Variants in PHKB observed in about 807,000 individuals in gnomAD.
The protein encoded by PHKB is phosphorylase b kinase regulatory subunit beta.
In PHKB, 122 loss-of-function variants were observed where a neutral mutation model predicts 152.1. The ratio of observed to expected loss-of-function variants is 0.80; its 90% CI spans 0.69 to 0.93. PHKB has a LOEUF of 0.93. Ranked by LOEUF, PHKB falls within the 40% of genes least tolerant of loss-of-function variation. The pLI, the probability that PHKB is intolerant of heterozygous loss-of-function variation, is 0.00. For missense variants in PHKB, 1,304 were observed against 1,328.4 expected, an observed-to-expected ratio of 0.98 and a Z score of 0.29; for synonymous variants, 436 against 464.9, an observed-to-expected ratio of 0.94 and a Z score of 0.80.
intron 6 of PHKB, among the ~76,000 whole-genome samples, chr16:47,521,615 A>G (rs899326126): frequency 2.0e-5 from 3 of 151,946 alleles, no homozygotes; most frequent in East Asian, 3.9e-4. Flanking sequence ...AGATTGTGCC[A>G]TTGCCCTCCA....
At chr16:47,640,406 A>G (rs888707014) in intron 14 of PHKB, among the ~76,000 whole-genome samples, 8 of 152,214 alleles carry the variant, frequency 5.3e-5, no homozygotes, top group African/African-American at 1.9e-4. Context: ...GCGAATCTTT[A>G]TCACACAAAA....
chr16:47,566,517 G>T, intron 7 of PHKB: 1 of 1,604,768 alleles, frequency 6.2e-7, no homozygotes, highest in Non-Finnish European at 8.5e-7. Flanking sequence ...GGGTTCACGT[G>T]GTAAAAGCAC....
chr16:47,630,528 G>A (rs1972808753), intron 14 of PHKB, among the ~76,000 whole-genome samples: 1 of 152,024 alleles, frequency 6.6e-6, no homozygotes, highest in Admixed American at 6.5e-5. Context: ...TGTAAACAAT[G>A]CTTGGAATTG....
At position 47,499,757 on chromosome 16, in the gene PHKB, CAA is replaced by C. The variant is rs778023278; in HGVS notation, c.169_170del (p.Lys57ValfsTer17). 1.2e-6 allele frequency: 2 copies of C among 1,614,106 alleles called. No homozygotes were observed. Among genetic ancestry groups the C allele is most frequent in the Admixed American group, 1.7e-5 (1 of 60,022 alleles). On this transcript the variant is annotated frameshift_variant and splice_region_variant, in exon 3 of 31. Coordinates refer to ENST00000323584, the MANE Select transcript of PHKB (RefSeq NM_000293.3). LOFTEE classifies it high-confidence loss of function. ...DKLDHYYRIV[K>X]STLLLYQSPT... The stretch of plus-strand genomic sequence containing the variant: ...TCTTTGTCTTGTCCTCAATTGCAGT[CAA>C]GTCAACATTGCTGCTGTATCAAAGT...
rs1802917744 is a variant in PHKB at position 47,536,854 on chromosome 16, T to A, written c.595-10579T>A. 2.6e-5 allele frequency among the ~76,000 whole-genome samples: 4 copies of A among 152,308 alleles called. No homozygotes were observed. The South Asian group carries it at 8.3e-4, about 32-fold the overall frequency. Reference sequence around the variant, plus strand: ...AAAAATTAAGAGCCGTGGTCTTGGCTCTAAGTATAGTGAGAGTTAGGAGAA... The same window carrying A: ...AAAAATTAAGAGCCGTGGTCTTGGCACTAAGTATAGTGAGAGTTAGGAGAA... On this transcript the variant is annotated intron_variant, in intron 6 of 30. Transcript: ENST00000323584.
intron 6 of PHKB, among the ~76,000 whole-genome samples, chr16:47,534,191 C>G (rs1384126143): frequency 1.3e-5 from 2 of 152,196 alleles, no homozygotes; most frequent in African/African-American, 4.8e-5. Flanking sequence ...AGCAGCCACT[C>G]CAGATGGCCC....
At chr16:47,624,617 G>T (rs1436889444) in intron 14 of PHKB, among the ~76,000 whole-genome samples, 1 of 152,010 alleles carries the variant, frequency 6.6e-6, no homozygotes, top group Non-Finnish European at 1.5e-5. Context: ...TCTACCTTTG[G>T]CTGTTCCAAT....
At chr16:47,572,665 G>T (rs1028109937) in intron 7 of PHKB, among the ~76,000 whole-genome samples, 5 of 152,162 alleles carry the variant, frequency 3.3e-5, no homozygotes, top group African/African-American at 1.2e-4. Context: ...CAACTCTGAT[G>T]GTGGCAGTAG....
intron 7 of PHKB, among the ~76,000 whole-genome samples, chr16:47,558,207 G>A (rs1027906630): frequency 7.0e-6 from 1 of 142,032 alleles, no homozygotes; most frequent in Non-Finnish European, 1.5e-5. Context: ...ACACAGGAAG[G>A]GGAACATCAC....
At position 47,648,598 on chromosome 16, in the gene PHKB, C is replaced by G; in HGVS notation, c.1674C>G (p.Gly558=). 6.2e-7 allele frequency: 1 copy of G among 1,611,944 alleles called. No individual in the cohort carries two copies. The highest frequency in any genetic ancestry group is 8.5e-7 in the Non-Finnish European group (1 of 1,178,094). Residue 558 remains glycine (G), a synonymous_variant, in exon 17 of 31, where the codon GGC becomes GGG. Transcript: ENST00000323584. ...CTGGAAGGCCAGACAGGCCCATTGG[C>G]TGCCTCGGGACATCAAAGGTACTCA... ...GLSGRPDRPI[G]CLGTSKIYRI...
chr16:47,689,728 G>A (rs996817653), intron 27 of PHKB, among the ~76,000 whole-genome samples: 1 of 152,168 alleles, frequency 6.6e-6, no homozygotes, highest in African/African-American at 2.4e-5. Flanking sequence ...AGTATTTATT[G>A]AGTACATTTG....
In PHKB at chr16:47,627,620, C is replaced by G. The variant is rs143067894; in HGVS notation, c.1459-13415C>G. Among the ~76,000 whole-genome samples, 1,074 of 152,336 alleles carry G rather than the reference C, an allele frequency of 7.1e-3. 16 individuals are homozygous for G. Among genetic ancestry groups the G allele is most frequent in the African/African-American group, 0.025 (1,029 of 41,564 alleles). ...CTTAAATAGAAAGCTTATATAATCA[C>G]TAATCCAATATATAAATACACAGAG... On this transcript the variant is annotated intron_variant, in intron 14 of 30. Transcript: ENST00000323584.
intron 27 of PHKB, among the ~76,000 whole-genome samples, chr16:47,690,336 T>C (rs1431285897): frequency 3.3e-5 from 5 of 152,204 alleles, no homozygotes; most frequent in Admixed American, 3.3e-4. Context: ...AATTCCTTTT[T>C]ACTCTTAGTA....
intron 1 of PHKB, among the ~76,000 whole-genome samples, chr16:47,479,471 T>TC (rs1312082415): frequency 5.9e-5 from 9 of 151,774 alleles, no homozygotes; most frequent in South Asian, 2.1e-4. Flanking sequence ...TTTTTTTTTT[T>TC]CGCAAGATAG....
chr16:47,564,538 A>G (rs1971532577), intron 7 of PHKB, among the ~76,000 whole-genome samples: 2 of 148,878 alleles, frequency 1.3e-5, no homozygotes, highest in African/African-American at 5.0e-5. Flanking sequence ...TTTCTTGCTG[A>G]TTTGCTTGAG....
chr16:47,647,258 G>C (rs1474708459), intron 16 of PHKB, among the ~76,000 whole-genome samples: 1 of 152,082 alleles, frequency 6.6e-6, no homozygotes, highest in East Asian at 1.9e-4. Context: ...CAAGTAGCTA[G>C]GATTACAGCC....
chr16:47,587,597 C>T, intron 8 of PHKB, 71 bp from the exon 9 acceptor site: 1 of 1,105,210 alleles, frequency 9.0e-7, no homozygotes, highest in Non-Finnish European at 1.4e-6. Context: ...GAAGTTTTCA[C>T]AGTCAAAATG....
chr16:47,557,640 C>T (rs1233451567), intron 7 of PHKB, among the ~76,000 whole-genome samples: 1 of 152,120 alleles, frequency 6.6e-6, no homozygotes, highest in Admixed American at 6.5e-5. Context: ...AAAATGCTCA[C>T]CATCACTGGC....
At chr16:47,461,562 G>A in intron 1 of PHKB, 136 bp downstream of exon 1, 1 of 879,198 alleles carries the variant, frequency 1.1e-6, no homozygotes, top group Non-Finnish European at 1.8e-6. Flanking sequence ...GCAGGTGGCG[G>A]CCCTGGCCTT....
Sources: gnomAD v4.1 joint callset for allele counts (sites outside exome capture counted in the v4.1 genomes callset) on GRCh38, gnomAD v4.1.1 for gene constraint, MANE v1.5 for transcripts, NCBI Gene and HGNC (gene_info 2026-07-23, HGNC 2026-07-21) for gene names.